FRAS1: variants seen among roughly 807,000 people sequenced by gnomAD.
The protein encoded by FRAS1 is Fraser extracellular matrix complex subunit 1, also known as extracellular matrix organizing protein FRAS1.
In FRAS1, 290 loss-of-function variants were observed where a neutral mutation model predicts 435.2. That is an observed-to-expected ratio of 0.67 (90% CI 0.61 to 0.73). FRAS1 has a LOEUF of 0.73. FRAS1 is among the 30% of genes least tolerant of loss of function. FRAS1 has a pLI of 0.00. For missense variants in FRAS1, 4,860 were observed against 5,001.5 expected, an observed-to-expected ratio of 0.97 and a Z score of 0.85; for synonymous variants, 1,800 against 1,851.0, an observed-to-expected ratio of 0.97 and a Z score of 0.71.
At chr4:78,186,333 G>T (rs898500356) in intron 2 of FRAS1, among the ~76,000 whole-genome samples, 2 of 151,918 alleles carry the variant, frequency 1.3e-5, no homozygotes, top group Non-Finnish European at 2.9e-5. Context: ...AGTTATCAGG[G>T]ATATCTATTA....
chr4:78,209,840 A>G (rs1352186065), intron 2 of FRAS1, among the ~76,000 whole-genome samples: 1 of 152,212 alleles, frequency 6.6e-6, no homozygotes, highest in Admixed American at 6.5e-5. Context: ...AAGGAGGCTA[A>G]TTTCATTCAC....
At chr4:78,181,389 C>A in intron 2 of FRAS1, 1 of 1,611,920 alleles carries the variant, frequency 6.2e-7, no homozygotes, top group South Asian at 1.1e-5. Flanking sequence ...TTGTGAGATC[C>A]GCTACCTCCA....
At chr4:78,363,811 G>A in intron 21 of FRAS1, 97 bp from the exon 22 acceptor site, 1 of 1,459,326 alleles carries the variant, frequency 6.9e-7, no homozygotes, top group South Asian at 1.3e-5. Flanking sequence ...ACTTGCCAAT[G>A]TTCTCAGTGT....
intron 56 of FRAS1, among the ~76,000 whole-genome samples, chr4:78,481,018 C>T (rs759136574): frequency 5.3e-5 from 8 of 152,170 alleles, no homozygotes; most frequent in Non-Finnish European, 1.0e-4. Context: ...AATAAAATGG[C>T]AAGGCTAGAT....
chr4:78,231,835 T>C (rs1724530532), intron 2 of FRAS1, among the ~76,000 whole-genome samples: 1 of 152,172 alleles, frequency 6.6e-6, no homozygotes, highest in Admixed American at 6.5e-5. Flanking sequence ...AGGCATTATA[T>C]TATTTGCAAG....
At position 78,479,610 on chromosome 4, in the gene FRAS1, A is replaced by T. The variant is rs566063559; in HGVS notation, c.8335A>T (p.Asn2779Tyr). Residue 2779 changes from asparagine to tyrosine, a missense_variant, in exon 56 of 74, where the codon AAT becomes TAT. Asn to Tyr is a moderately radical substitution (Grantham distance 143). Coordinates refer to ENST00000512123, the MANE Select transcript of FRAS1 (RefSeq NM_025074.7). Reference sequence around the variant, plus strand: ...GATTGCCTTGGCAGATGCCTCTGACAATGCCCGCATTGGAAGGGTGGCGAC... The same window carrying T: ...GATTGCCTTGGCAGATGCCTCTGACTATGCCCGCATTGGAAGGGTGGCGAC... ...FEIALADASD[N>Y]ARIGRVATAK... is the part of the protein sequence containing the mutation. 5 of 1,613,956 alleles carry T rather than the reference A, an allele frequency of 3.1e-6. No homozygotes were observed. In the South Asian group the frequency reaches 5.5e-5, roughly 18 times the overall value.
intron 2 of FRAS1, chr4:78,181,525 G>A (rs954429895): frequency 2.1e-4 from 331 of 1,611,382 alleles, no homozygotes; most frequent in Non-Finnish European, 2.7e-4. Flanking sequence ...CACGTCCACG[G>A]CCCCCTCGAC....
intron 2 of FRAS1, among the ~76,000 whole-genome samples, chr4:78,102,739 T>C (rs1742196082): frequency 6.6e-6 from 1 of 152,184 alleles, no homozygotes; most frequent in Non-Finnish European, 1.5e-5. Context: ...CTCTGTCAGA[T>C]ATACCTAAAT....
At chr4:78,061,038 A>C (rs879520322) in intron 1 of FRAS1, among the ~76,000 whole-genome samples, 11 of 152,050 alleles carry the variant, frequency 7.2e-5, no homozygotes, top group Non-Finnish European at 1.6e-4. Flanking sequence ...GTAGAGACAG[A>C]GTTTCACCAT....
rs558759212 is a variant in FRAS1 at position 78,114,442 on chromosome 4, T to C, written c.108+48426T>C. Among the ~76,000 whole-genome samples, 3 of 152,322 alleles carry C rather than the reference T, an allele frequency of 2.0e-5. No individual in the cohort carries two copies. In the East Asian group the frequency reaches 5.8e-4, roughly 29 times the overall value. On this transcript the variant is annotated intron_variant, in intron 2 of 73. Transcript: ENST00000512123. ...GGGAAGTATGGCCATTTTCATGATA[T>C]TGATTCTTCCTGCTCATGAGCATGG... is the stretch of plus-strand genomic sequence containing the variant.
chr4:78,092,165 C>A (rs1271733482), intron 2 of FRAS1, among the ~76,000 whole-genome samples: 1 of 151,868 alleles, frequency 6.6e-6, no homozygotes. Context: ...TTTAGGTAGA[C>A]CTGAGTTCAA....
At chr4:78,080,044 A>G (rs1740825628) in intron 2 of FRAS1, among the ~76,000 whole-genome samples, 1 of 152,114 alleles carries the variant, frequency 6.6e-6, no homozygotes, top group Admixed American at 6.6e-5. Flanking sequence ...CAGGTTTCCT[A>G]TCTCTTAACT....
chr4:78,266,626 G>C (rs541977339), intron 7 of FRAS1, among the ~76,000 whole-genome samples: 1 of 152,312 alleles, frequency 6.6e-6, no homozygotes, highest in South Asian at 2.1e-4. Flanking sequence ...AATGAATATA[G>C]GTGAATGAAA....
chr4:78,521,317 AT>A (rs1721378561), intron 67 of FRAS1, among the ~76,000 whole-genome samples: 1 of 152,038 alleles, frequency 6.6e-6, no homozygotes, highest in African/African-American at 2.4e-5. Flanking sequence ...CAGTGGAACC[AT>A]TACAAAAAAA....
At chr4:78,128,629 A>T (rs1719510793) in intron 2 of FRAS1, among the ~76,000 whole-genome samples, 1 of 151,938 alleles carries the variant, frequency 6.6e-6, no homozygotes, top group Admixed American at 6.6e-5. Context: ...AATTTGTTTG[A>T]GTTCATTGTA....
chr4:78,075,863 G>A (rs1382730582), intron 2 of FRAS1, among the ~76,000 whole-genome samples: 3 of 152,130 alleles, frequency 2.0e-5, no homozygotes, highest in Non-Finnish European at 4.4e-5. Flanking sequence ...ATAAGTAAAC[G>A]CATAAGTGGC....
chr4:78,419,323 T>A (rs924739897), intron 33 of FRAS1, among the ~76,000 whole-genome samples: 1 of 152,238 alleles, frequency 6.6e-6, no homozygotes, highest in Non-Finnish European at 1.5e-5. Flanking sequence ...AGAATGTACA[T>A]GCTACTGGGT....
chr4:78,519,539 A>T, intron 67 of FRAS1, 58 bp downstream of exon 67: 1 of 1,561,726 alleles, frequency 6.4e-7, no homozygotes, highest in Non-Finnish European at 8.7e-7. Flanking sequence ...AAGCAAGATT[A>T]AAAGAAGAGT....
At chr4:78,201,392 A>C (rs1273057805) in intron 2 of FRAS1, among the ~76,000 whole-genome samples, 1 of 152,222 alleles carries the variant, frequency 6.6e-6, no homozygotes, top group Non-Finnish European at 1.5e-5. Flanking sequence ...AGTGTATGGA[A>C]TTTTAGAGGA....
Sources: allele counts gnomAD v4.1 joint callset (sites outside exome capture counted in the v4.1 genomes callset), GRCh38; gene constraint gnomAD v4.1.1; transcripts MANE v1.5; gene names NCBI Gene and HGNC (gene_info 2026-07-23, HGNC 2026-07-21).